Variants in TCF4 observed in about 807,000 individuals in gnomAD.
The protein encoded by TCF4 is SL3-3 enhancer factor 2.
A neutral mutation model predicts 82.1 loss-of-function variants in TCF4; 3 were observed. That is an observed-to-expected ratio of 0.04 (90% CI 0.02 to 0.09). TCF4 has a LOEUF of 0.09. TCF4 is among the 10% of genes least tolerant of loss of function. The pLI, the probability that TCF4 is intolerant of heterozygous loss-of-function variation, is 1.00. For missense variants in TCF4, 518 were observed against 852.7 expected (o/e 0.61, Z 4.89); for synonymous variants, 276 against 309.6 (o/e 0.89, Z 1.14).
At chr18:55,525,394 G>A (rs1411062383) in intron 3 of TCF4, among the ~76,000 whole-genome samples, 2 of 152,032 alleles carry the variant, frequency 1.3e-5, no homozygotes. Flanking sequence ...ACCAGGTAGA[G>A]AGACTCCCAT....
chr18:55,301,802 A>AC (rs1406848759), intron 8 of TCF4, among the ~76,000 whole-genome samples: 7 of 147,680 alleles, frequency 4.7e-5, no homozygotes, highest in African/African-American at 1.7e-4. Flanking sequence ...AAAAAAAAAA[A>AC]AAAAAAAAAA....
chr18:55,269,846 T>G lies in TCF4; in HGVS notation c.907A>C (p.Thr303Pro). The G allele has an allele frequency of 6.2e-7, 1 of 1,613,148 alleles. No individual in the cohort carries two copies. Among genetic ancestry groups the G allele is most frequent in the Non-Finnish European group, 8.5e-7 (1 of 1,179,382 alleles). Reference protein sequence around the residue: ...TSSCTPPANGTDSIMANRGSG... With the variant: ...TSSCTPPANGPDSIMANRGSG... ...TGTGACTCACCCATTATACTGTCTG[T>G]CCCGTTGGCAGGAGGCGTACAGGAA... The change falls in exon 11 of 20, where the codon ACA (threonine) becomes CCA (proline). Residue 303 changes from threonine to proline, a missense_variant. By Grantham distance (38) the Thr-to-Pro change is conservative (BLOSUM62 -1). This residue lies in a region of TCF4 where 211 missense variants were observed against 327.4 expected (regional missense o/e 0.64). Transcript: ENST00000354452.
intron 5 of TCF4, among the ~76,000 whole-genome samples, chr18:55,406,834 C>T (rs1167375740): frequency 6.6e-6 from 1 of 152,208 alleles, no homozygotes; most frequent in African/African-American, 2.4e-5. Flanking sequence ...ACAAACCCGG[C>T]GCGTTCACTG....
upstream of TCF4, among the ~76,000 whole-genome samples, chr18:55,590,536 A>C (rs1157575244): frequency 3.5e-4 from 53 of 152,254 alleles, 1 homozygote; most frequent in Non-Finnish European, 5.9e-5. Flanking sequence ...GTCTGTGTAA[A>C]GCAAATAACG....
At chr18:55,517,640 T>C (rs1290835478) in intron 3 of TCF4, among the ~76,000 whole-genome samples, 1 of 152,176 alleles carries the variant, frequency 6.6e-6, no homozygotes, top group Non-Finnish European at 1.5e-5. Context: ...AATAATTCCC[T>C]AGAGGTTAAG....
intron 5 of TCF4, among the ~76,000 whole-genome samples, chr18:55,426,023 A>G (rs578048393): frequency 1.1e-4 from 17 of 152,118 alleles, no homozygotes; most frequent in African/African-American, 3.9e-4. Context: ...TGAGATGGAT[A>G]CAACCCATTT....
At chr18:55,472,065 A>G (rs955004766) in intron 3 of TCF4, among the ~76,000 whole-genome samples, 2 of 152,240 alleles carry the variant, frequency 1.3e-5, no homozygotes, top group South Asian at 2.1e-4. Context: ...GTCCTTTAAA[A>G]CAGTATTATT....
chr18:55,550,949 T>C (rs2097255216), intron 3 of TCF4: 1 of 152,128 alleles, frequency 6.6e-6, no homozygotes, highest in Admixed American at 6.5e-5. Flanking sequence ...TGTTATTCTT[T>C]TTTTTTTTCT....
intron 3 of TCF4, among the ~76,000 whole-genome samples, chr18:55,466,172 C>T (rs1489368390): frequency 6.6e-6 from 1 of 152,084 alleles, no homozygotes; most frequent in Non-Finnish European, 1.5e-5. Context: ...TTAAATATCT[C>T]ATAATTGCAC....
At chr18:55,578,098 G>T (rs2097545546) in intron 3 of TCF4, among the ~76,000 whole-genome samples, 1 of 151,966 alleles carries the variant, frequency 6.6e-6, no homozygotes, top group Non-Finnish European at 1.5e-5. Context: ...TTTAATCATG[G>T]GTCTTACTTT....
chr18:55,459,985 T>C (rs2095842688), intron 5 of TCF4, among the ~76,000 whole-genome samples: 1 of 152,222 alleles, frequency 6.6e-6, no homozygotes, highest in African/African-American at 2.4e-5. Context: ...TTAGATGGAT[T>C]TGATGGTGAT....
chr18:55,232,412 C>T, intron 17 of TCF4, 97 bp downstream of exon 17: 2 of 1,433,834 alleles, frequency 1.4e-6, no homozygotes, highest in Non-Finnish European at 1.9e-6. Flanking sequence ...GTAAATTTAC[C>T]TGCCAGGAAA....
intron 8 of TCF4, among the ~76,000 whole-genome samples, chr18:55,284,040 T>C (rs555418590): frequency 6.6e-6 from 1 of 152,334 alleles, no homozygotes; most frequent in East Asian, 1.9e-4. Flanking sequence ...AAACCTATTT[T>C]AAGCTATTAA....
At chr18:55,451,475 G>A (rs2095621926) in intron 5 of TCF4, among the ~76,000 whole-genome samples, 1 of 152,210 alleles carries the variant, frequency 6.6e-6, no homozygotes, top group African/African-American at 2.4e-5. Context: ...AGTGACCCCT[G>A]AAGACCTAGA....
chr18:55,301,296 T>G (rs927770551), intron 8 of TCF4, among the ~76,000 whole-genome samples: 3 of 152,238 alleles, frequency 2.0e-5, no homozygotes, highest in Non-Finnish European at 4.4e-5. Context: ...AATCCGTCTC[T>G]TATTTCCACC....
In TCF4 at chr18:55,535,472, G is replaced by A. The variant is rs1467108652; in HGVS notation, c.145+49808C>T. On this transcript the variant is annotated intron_variant, in intron 3 of 19. Coordinates refer to ENST00000354452, the MANE Select transcript of TCF4 (RefSeq NM_001083962.2). The stretch of plus-strand genomic sequence containing the variant: ...CTAGATTTTCAGAACTGCTATATTA[G>A]AAACAAAAGTTATACAAATTCTTTT... 4.6e-5 allele frequency among the ~76,000 whole-genome samples: 7 copies of A among 152,258 alleles called. No individual in the cohort carries two copies. The East Asian group carries it at 1.3e-3, about 29-fold the overall frequency.
chr18:55,426,148 CG>C (rs1194584399), intron 5 of TCF4, among the ~76,000 whole-genome samples: 3 of 149,246 alleles, frequency 2.0e-5, no homozygotes, highest in Non-Finnish European at 4.4e-5. Flanking sequence ...TATTTTCATA[CG>C]TGTCTTTTAT....
At chr18:55,246,172 GA>G (rs2053081857) in intron 15 of TCF4, among the ~76,000 whole-genome samples, 1 of 151,838 alleles carries the variant, frequency 6.6e-6, no homozygotes. Context: ...CACAATTTAA[GA>G]AGAAAACCAT....
intron 5 of TCF4, among the ~76,000 whole-genome samples, chr18:55,408,817 T>TG (rs1037295836): frequency 7.5e-6 from 1 of 133,238 alleles, no homozygotes; most frequent in Non-Finnish European, 1.6e-5. Context: ...GTTTAAACTC[T>TG]GGGGGAAAAA....
Sources: gnomAD v4.1 joint callset for allele counts (sites outside exome capture counted in the v4.1 genomes callset) on GRCh38, gnomAD v4.1.1 for gene constraint, gnomAD v4.1.1 regional missense constraint, MANE v1.5 for transcripts, NCBI Gene and HGNC (gene_info 2026-07-23, HGNC 2026-07-21) for gene names.